Variants in MAGI2 observed in about 807,000 individuals in gnomAD.
MAGI2 encodes membrane associated guanylate kinase, WW and PDZ domain containing 2, also known as membrane-associated guanylate kinase, WW and PDZ domain-containing protein 2.
In MAGI2, 35 loss-of-function variants were observed where a neutral mutation model predicts 133.3. The observed-to-expected ratio is 0.26, with a 90% CI of 0.20 to 0.35. The LOEUF (loss-of-function observed/expected upper bound fraction) is 0.35, where lower values mean the gene tolerates loss of function less well. MAGI2 is among the 10% of genes least tolerant of loss of function. The pLI is 1.00. For missense variants in MAGI2, 1,636 were observed against 1,863.4 expected, an observed-to-expected ratio of 0.88 and a Z score of 2.25; for synonymous variants, 729 against 710.6, an observed-to-expected ratio of 1.03 and a Z score of -0.41.
intron 10 of MAGI2, among the ~76,000 whole-genome samples, chr7:78,241,171 C>T (rs1191929606): frequency 2.0e-5 from 3 of 151,214 alleles, no homozygotes; most frequent in Non-Finnish European, 4.4e-5. Context: ...ATAAGTCCTG[C>T]AGAGCCAAGC....
chr7:79,262,244 A>G (rs1834142200), intron 1 of MAGI2, among the ~76,000 whole-genome samples: 1 of 152,164 alleles, frequency 6.6e-6, no homozygotes, highest in Admixed American at 6.6e-5. Flanking sequence ...GGCAGGAATA[A>G]ACTCAGTTTT....
At chr7:78,602,166 G>A (rs1039841448) in intron 3 of MAGI2, among the ~76,000 whole-genome samples, 3 of 151,086 alleles carry the variant, frequency 2.0e-5, no homozygotes, top group Non-Finnish European at 1.5e-5. Flanking sequence ...TTTTTTTTGA[G>A]ACGGAGTTTC....
intron 20 of MAGI2, among the ~76,000 whole-genome samples, chr7:78,083,323 C>A (rs1816191913): frequency 7.9e-6 from 1 of 126,498 alleles, no homozygotes; most frequent in South Asian, 2.9e-4. Flanking sequence ...TATCGAGTTC[C>A]AGTTGAGAGG....
intron 15 of MAGI2, among the ~76,000 whole-genome samples, chr7:78,160,689 A>T (rs1824885979): frequency 6.6e-6 from 1 of 152,220 alleles, no homozygotes; most frequent in Admixed American, 6.5e-5. Context: ...AATTGTAAAA[A>T]AAAGTACATC....
At chr7:79,057,479 T>C (rs780551022) in intron 1 of MAGI2, among the ~76,000 whole-genome samples, 39 of 152,342 alleles carry the variant, frequency 2.6e-4, no homozygotes, top group Non-Finnish European at 1.9e-4. Flanking sequence ...TATTTTTGTT[T>C]CTAATATGTA....
At chr7:78,692,849 A>T (rs1223858144) in intron 2 of MAGI2, among the ~76,000 whole-genome samples, 1 of 152,240 alleles carries the variant, frequency 6.6e-6, no homozygotes, top group Non-Finnish European at 1.5e-5. Flanking sequence ...AATGCATAAG[A>T]TTAATGAAGC....
At chr7:78,819,865 G>A (rs1032141753) in intron 2 of MAGI2, among the ~76,000 whole-genome samples, 2 of 151,982 alleles carry the variant, frequency 1.3e-5, no homozygotes, top group African/African-American at 2.4e-5. Flanking sequence ...AACTGTTAGA[G>A]TATTTCTAAT....
chr7:78,319,472 C>A (rs1182631974), intron 9 of MAGI2, among the ~76,000 whole-genome samples: 1 of 152,168 alleles, frequency 6.6e-6, no homozygotes, highest in Admixed American at 6.5e-5. Flanking sequence ...GATTAAGAAA[C>A]TCACTTAAAA....
chr7:79,100,177 C>T (rs1817855227), intron 1 of MAGI2, among the ~76,000 whole-genome samples: 1 of 151,826 alleles, frequency 6.6e-6, no homozygotes, highest in South Asian at 2.1e-4. Context: ...TTTATCTGTG[C>T]TTCTTTATTA....
intron 18 of MAGI2, among the ~76,000 whole-genome samples, chr7:78,128,751 A>T (rs951465948): frequency 6.6e-6 from 1 of 152,186 alleles, no homozygotes; most frequent in South Asian, 2.1e-4. Flanking sequence ...TTAGTAATGT[A>T]GTTATTTTAA....
In MAGI2 at chr7:79,433,600, G is replaced by A. The variant is rs549805087; in HGVS notation, c.301+19420C>T. Among the ~76,000 whole-genome samples, 20 of 152,064 alleles carry A rather than the reference G, an allele frequency of 1.3e-4. No homozygotes were observed. In the East Asian group the frequency reaches 3.1e-3, roughly 24 times the overall value. ...TTGTTTGCATCCTTTGAGCCAACTTGCTTAATAAACTGGTTACATGAGACA... is the reference window on the plus strand; with the variant it reads ...TTGTTTGCATCCTTTGAGCCAACTTACTTAATAAACTGGTTACATGAGACA... On this transcript the variant is annotated intron_variant, in intron 1 of 21. Coordinates refer to ENST00000354212, the MANE Select transcript of MAGI2 (RefSeq NM_012301.4).
At position 78,927,437 on chromosome 7, in the gene MAGI2, T is replaced by C. The variant is rs545468827; in HGVS notation, c.418+79653A>G. Among the ~76,000 whole-genome samples the C allele has an allele frequency of 2.6e-5, 4 of 152,098 alleles. No individual in the cohort carries two copies. The South Asian group carries it at 8.3e-4, about 32-fold the overall frequency. ...CCAAGTTCATTTAGGAAGTTAGTGG[T>C]GAAATCAAGGCAAAAATCCAAATTC... On this transcript the variant is annotated intron_variant, in intron 2 of 21. Coordinates refer to ENST00000354212, the MANE Select transcript of MAGI2 (RefSeq NM_012301.4).
chr7:79,043,542 CAAAAAAAA>C (rs58828466), intron 1 of MAGI2, among the ~76,000 whole-genome samples: 11 of 40,424 alleles, frequency 2.7e-4, no homozygotes, highest in African/African-American at 9.4e-4. Flanking sequence ...GACTCCATCA[CAAAAAAAA>C]AAAAAAAAAA....
chr7:78,354,049 G>T (rs990007510), intron 7 of MAGI2, among the ~76,000 whole-genome samples: 2 of 152,244 alleles, frequency 1.3e-5, no homozygotes, highest in Non-Finnish European at 2.9e-5. Flanking sequence ...AAGTAGGAAA[G>T]CTGTGGTTCT....
intron 1 of MAGI2, among the ~76,000 whole-genome samples, chr7:79,302,678 T>C (rs1236542229): frequency 6.6e-6 from 1 of 152,188 alleles, no homozygotes; most frequent in Non-Finnish European, 1.5e-5. Context: ...AATCTTAGGG[T>C]CAACAAAATC....
At chr7:79,257,270 G>T (rs904926783) in intron 1 of MAGI2, among the ~76,000 whole-genome samples, 1 of 151,700 alleles carries the variant, frequency 6.6e-6, no homozygotes, top group Non-Finnish European at 1.5e-5. Context: ...AATAAGAAAA[G>T]GAATACAAAT....
chr7:78,861,381 A>G (rs1252634818), intron 2 of MAGI2, among the ~76,000 whole-genome samples: 1 of 152,110 alleles, frequency 6.6e-6, no homozygotes, highest in Non-Finnish European at 1.5e-5. Context: ...AATTTTACAT[A>G]ATGCTTATTC....
chr7:78,603,814 C>G (rs1251373826), intron 3 of MAGI2, among the ~76,000 whole-genome samples: 2 of 152,138 alleles, frequency 1.3e-5, no homozygotes, highest in African/African-American at 2.4e-5. Context: ...AGTCACCCCG[C>G]CCAGCCAATA....
At chr7:78,030,292 T>C (rs1420077046) in intron 21 of MAGI2, among the ~76,000 whole-genome samples, 1 of 152,218 alleles carries the variant, frequency 6.6e-6, no homozygotes, top group Non-Finnish European at 1.5e-5. Context: ...TGAGATGGAG[T>C]CTCGCTCTGT....
Sources: allele counts gnomAD v4.1 joint callset (sites outside exome capture counted in the v4.1 genomes callset), GRCh38; gene constraint gnomAD v4.1.1; transcripts MANE v1.5; gene names NCBI Gene and HGNC (gene_info 2026-07-23, HGNC 2026-07-21).